DCAF4: variants seen among roughly 807,000 people sequenced by gnomAD.
DCAF4 encodes the protein DDB1 and CUL4 associated factor 4.
DCAF4 carries 37 observed loss-of-function variants against 60.9 expected under a neutral mutation model. The ratio of observed to expected loss-of-function variants is 0.61; its 90% CI spans 0.47 to 0.80. The LOEUF is 0.80. Among genes scored for constraint, DCAF4 ranks in the 30% least tolerant of loss-of-function variants. DCAF4 has a pLI of 0.00. For synonymous variants in DCAF4, 243 were observed against 254.8 expected (o/e 0.95, Z 0.44); for missense variants, 577 against 650.0 (o/e 0.89, Z 1.22).
intron 11 of DCAF4, among the ~76,000 whole-genome samples, 157 bp downstream of exon 11, chr14:72,954,640 GC>G (rs1257098023): frequency 3.3e-5 from 5 of 152,322 alleles, no homozygotes; most frequent in African/African-American, 1.2e-4. Flanking sequence ...GGGTGTCTGA[GC>G]CGAGTGAAAG....
intron 6 of DCAF4, 120 bp from the exon 7 acceptor site, chr14:72,945,764 G>C (rs975167824): frequency 2.2e-6 from 3 of 1,335,446 alleles, no homozygotes; most frequent in Non-Finnish European, 2.1e-6. Flanking sequence ...TCATGGAGAG[G>C]AACTCTCACC....
chr14:72,930,641 GTA>G (rs56871190), intron 1 of DCAF4, among the ~76,000 whole-genome samples: 10 of 151,240 alleles, frequency 6.6e-5, no homozygotes, highest in African/African-American at 2.2e-4. Flanking sequence ...ATGTGTGTGT[GTA>G]TATATATATA....
intron 1 of DCAF4, among the ~76,000 whole-genome samples, chr14:72,927,106 GGCCCTC>G (rs1887671206): frequency 6.6e-6 from 1 of 152,212 alleles, no homozygotes; most frequent in South Asian, 2.1e-4. Context: ...GCCTGGGTTT[GGCCCTC>G]GCCTCCACTC....
chr14:72,928,239 G>GCTC (rs1029104760), intron 1 of DCAF4, among the ~76,000 whole-genome samples: 49 of 108,024 alleles, frequency 4.5e-4, no homozygotes, highest in African/African-American at 1.7e-3. Flanking sequence ...TGTTGCCCAG[G>GCTC]CTGGAGCACA....
At chr14:72,937,222 G>C (rs1179913328) in intron 1 of DCAF4, among the ~76,000 whole-genome samples, 1 of 14,832 alleles carries the variant, frequency 6.7e-5, no homozygotes, top group East Asian at 0.1. Context: ...TAACATATGG[G>C]GGAACAGATA....
chr14:72,961,929 CG>C, downstream of DCAF4: 1 of 1,144,490 alleles, frequency 8.7e-7, no homozygotes, highest in Admixed American at 3.6e-5. Context: ...TTGGCTACCG[CG>C]GGAACACCCC....
At chr14:72,940,812 A>C (rs1425255083) in intron 4 of DCAF4, among the ~76,000 whole-genome samples, 1 of 151,044 alleles carries the variant, frequency 6.6e-6, no homozygotes. Flanking sequence ...GTTGGTCTTG[A>C]ACTCCTGACT....
intron 1 of DCAF4, among the ~76,000 whole-genome samples, chr14:72,936,362 T>C (rs989175440): frequency 1.4e-4 from 22 of 152,120 alleles, no homozygotes; most frequent in African/African-American, 4.3e-4. Flanking sequence ...CCAGGAGTTC[T>C]TGAGCAGCCT....
downstream of DCAF4, chr14:72,960,473 G>A (rs544771755): frequency 6.3e-5 from 15 of 238,960 alleles, no homozygotes; most frequent in East Asian, 2.0e-3. Flanking sequence ...TATTTAATCC[G>A]TCCGCCCCAG....
intron 8 of DCAF4, 110 bp from the exon 9 acceptor site, chr14:72,951,688 G>C: frequency 1.1e-6 from 1 of 916,162 alleles, no homozygotes; most frequent in Non-Finnish European, 1.8e-6. Flanking sequence ...TGGACGGTGG[G>C]GGTTACTCTG....
chr14:72,945,574 G>C (rs1321363852), intron 6 of DCAF4, among the ~76,000 whole-genome samples: 1 of 151,950 alleles, frequency 6.6e-6, no homozygotes, highest in Non-Finnish European at 1.5e-5. Context: ...CTGGGTGGAT[G>C]CTAGGGCTCT....
At chr14:72,937,843 AT>A in intron 1 of DCAF4, 127 bp from the exon 2 acceptor site, 1 of 1,367,182 alleles carries the variant, frequency 7.3e-7, no homozygotes, top group Non-Finnish European at 9.4e-7. Flanking sequence ...GCTGTGGCAA[AT>A]CTGATGATAA....
In DCAF4 at chr14:72,938,020, A is replaced by G. The variant is rs1288651395; in HGVS notation, c.42A>G (p.Arg14=). ...SRWQSRRRHG[R]RSHQQNPWFR... ...GGCAGAGTAGAAGACGACATGGGAG[A>G]AGAAGCCACCAGCAGAACCCTTGGT... Residue 14 remains arginine, a synonymous_variant, in exon 2 of 14, where the codon AGA becomes AGG. Transcript: ENST00000358377. The G allele has an allele frequency of 6.2e-7, 1 of 1,611,244 alleles. No homozygotes were observed. Among genetic ancestry groups the G allele is most frequent in the Non-Finnish European group, 8.5e-7 (1 of 1,179,260 alleles).
At chr14:72,955,472 C>G (rs1892143666) in intron 11 of DCAF4, 51 bp from the exon 12 acceptor site, 2 of 1,591,664 alleles carry the variant, frequency 1.3e-6, no homozygotes, top group Non-Finnish European at 1.7e-6. Context: ...CCTGCCCAGC[C>G]TCAGAGGGAT....
intron 1 of DCAF4, among the ~76,000 whole-genome samples, chr14:72,929,080 G>T (rs962058032): frequency 3.3e-5 from 5 of 152,154 alleles, no homozygotes; most frequent in Non-Finnish European, 7.4e-5. Context: ...CGGCACGGAC[G>T]CCCGGGGCTG....
At chr14:72,953,839 C>T (rs1311403593) in intron 9 of DCAF4, among the ~76,000 whole-genome samples, 1 of 133,580 alleles carries the variant, frequency 7.5e-6, no homozygotes, top group Non-Finnish European at 1.5e-5. Flanking sequence ...TATATACACA[C>T]ACACTTGCCT....
intron 12 of DCAF4, among the ~76,000 whole-genome samples, chr14:72,956,029 T>A (rs1892248465): frequency 1.3e-5 from 2 of 149,220 alleles, no homozygotes; most frequent in Admixed American, 1.4e-4. Flanking sequence ...TTCAAGCGAT[T>A]CTCCTGCCTC....
At chr14:72,945,760 A>T in intron 6 of DCAF4, 124 bp from the exon 7 acceptor site, 1 of 1,305,672 alleles carries the variant, frequency 7.7e-7, no homozygotes, top group Non-Finnish European at 1.1e-6. Context: ...TCGCTCATGG[A>T]GAGGAACTCT....
At chr14:72,934,797 T>G (rs1889042920) in intron 1 of DCAF4, among the ~76,000 whole-genome samples, 1 of 152,154 alleles carries the variant, frequency 6.6e-6, no homozygotes, top group Non-Finnish European at 1.5e-5. Context: ...GCTTATTATC[T>G]CTGCCCACTC....
Sources: allele counts gnomAD v4.1 joint callset (sites outside exome capture counted in the v4.1 genomes callset), GRCh38; gene constraint gnomAD v4.1.1; transcripts MANE v1.5; gene names NCBI Gene and HGNC (gene_info 2026-07-23, HGNC 2026-07-21).